MLXIPL: variants seen among roughly 807,000 people sequenced by gnomAD.
The protein encoded by MLXIPL is carbohydrate-responsive element-binding protein.
A neutral mutation model predicts 81.5 loss-of-function variants in MLXIPL; 49 were observed. The ratio of observed to expected loss-of-function variants is 0.60; its 90% confidence interval spans 0.48 to 0.76. The LOEUF is 0.76. Ranked by LOEUF, MLXIPL falls within the 30% of genes least tolerant of loss-of-function variation. The pLI is 0.00. For synonymous variants in MLXIPL, 466 were observed against 485.5 expected (o/e 0.96, Z 0.53); for missense variants, 1,053 against 1,167.0 (o/e 0.90, Z 1.42).
intron 2 of MLXIPL, among the ~76,000 whole-genome samples, chr7:73,614,842 G>A (rs372548808): frequency 5.5e-5 from 7 of 127,510 alleles, no homozygotes; most frequent in Non-Finnish European, 7.8e-5. Flanking sequence ...ACGGAGTCTC[G>A]CCCTGTCGCC....
chr7:73,603,620 G>A (rs1421836255), intron 7 of MLXIPL, among the ~76,000 whole-genome samples: 2 of 152,198 alleles, frequency 1.3e-5, no homozygotes, highest in Non-Finnish European at 2.9e-5. Context: ...AGGTCACTAA[G>A]ACTAAGCTTT....
chr7:73,594,125 G>T, intron 16 of MLXIPL, 142 bp from the exon 17 acceptor site: 1 of 1,414,664 alleles, frequency 7.1e-7, no homozygotes, highest in Non-Finnish European at 9.9e-7. Flanking sequence ...CAGGCGTCTG[G>T]TGGCCAGAGG....
At chr7:73,624,067 G>A in intron 1 of MLXIPL, 133 bp downstream of exon 1, 1 of 1,263,314 alleles carries the variant, frequency 7.9e-7, no homozygotes, top group Non-Finnish European at 1.1e-6. Flanking sequence ...TCCAGGGCGT[G>A]ATCGGAGCCT....
At position 73,607,368 on chromosome 7, in the gene MLXIPL, C is replaced by A. The variant is rs868971099; in HGVS notation, c.536G>T (p.Arg179Leu). 1 of 1,567,464 alleles carries A rather than the reference C, an allele frequency of 6.4e-7. No homozygotes were observed. Among genetic ancestry groups the A allele is most frequent in the South Asian group, 1.2e-5 (1 of 85,330 alleles). Reference protein sequence around the residue: ...YWKRRIEVVMREYHKWRIYYK... With the variant: ...YWKRRIEVVMLEYHKWRIYYK... The stretch of plus-strand genomic sequence containing the variant: ...GTAGATGCGCCACTTGTGGTATTCC[C>A]GCATCACCACCTCGATGCGCCGCTT... Residue 179 changes from arginine to leucine, a missense_variant, in exon 4 of 17, where the codon CGG becomes CTG. Arg to Leu is a moderately radical substitution (Grantham distance 102). Transcript: ENST00000313375.
chr7:73,635,496 TATCCACCCATCTCTTCTTTC>T, the MLXIPL span, among the ~76,000 whole-genome samples: 2 of 151,988 alleles, frequency 1.3e-5, no homozygotes, highest in South Asian at 2.1e-4. Flanking sequence ...TTCACCTTAC[TATCCACCCATCTCTTCTTTC>T]ATCCACCCAT....
chr7:73,594,551 TTC>T, intron 15 of MLXIPL, 148 bp from the exon 16 acceptor site: 31 of 977,488 alleles, frequency 3.2e-5, no homozygotes, highest in East Asian at 5.3e-5. Flanking sequence ...CCCCTACTTC[TTC>T]TTTTTTTTTT....
At chr7:73,604,492 G>C (rs1554597322) in intron 7 of MLXIPL, among the ~76,000 whole-genome samples, 2 of 152,046 alleles carry the variant, frequency 1.3e-5, no homozygotes, top group African/African-American at 4.8e-5. Context: ...AGGATCACTT[G>C]AGCCTGGGAG....
At chr7:73,620,798 C>G (rs1554601831) in intron 1 of MLXIPL, among the ~76,000 whole-genome samples, 1 of 150,274 alleles carries the variant, frequency 6.7e-6, no homozygotes, top group Non-Finnish European at 1.5e-5. Context: ...TACCTGTAAT[C>G]CCAGCACTTT....
At chr7:73,633,578 C>T in the MLXIPL span, among the ~76,000 whole-genome samples, 15 of 152,034 alleles carry the variant, frequency 9.9e-5, no homozygotes, top group Non-Finnish European at 1.8e-4. Context: ...CTTGACCTCG[C>T]GAAGTACTGG....
the MLXIPL span, among the ~76,000 whole-genome samples, chr7:73,637,855 C>T: frequency 6.6e-6 from 1 of 152,184 alleles, no homozygotes; most frequent in African/African-American, 2.4e-5. Context: ...GGGGCCTGCC[C>T]TTTATGCTAA....
chr7:73,639,968 G>A, the MLXIPL span, among the ~76,000 whole-genome samples: 1 of 152,178 alleles, frequency 6.6e-6, no homozygotes, highest in South Asian at 2.1e-4. Context: ...GGGAGGCTGA[G>A]GCAGGAGAAT....
Position 73,596,097 on chromosome 7 carries a change from G to C in MLXIPL, c.2058+56C>G, listed in dbSNP as rs1794269448. The C allele has an allele frequency of 6.2e-7, 1 of 1,601,408 alleles. No individual in the cohort carries two copies. The highest frequency in any genetic ancestry group is 1.1e-5 in the South Asian group (1 of 90,576). On this transcript the variant is annotated intron_variant, in intron 13 of 16. Coordinates refer to ENST00000313375, the MANE Select transcript of MLXIPL (RefSeq NM_032951.3). This position sits in a 1 kb window ranked among gnomAD's most constrained non-coding sequence, Gnocchi z 4.7. The stretch of plus-strand genomic sequence containing the variant: ...CCTGCAATTGAGTTTTGGGTGGGGG[G>C]GGTCCAGAAAGGGGCCCTGTGGTTT...
the MLXIPL span, among the ~76,000 whole-genome samples, chr7:73,637,496 C>G: frequency 6.6e-6 from 1 of 151,132 alleles, no homozygotes; most frequent in Non-Finnish European, 1.5e-5. Context: ...AAAGAAAAAA[C>G]AAAAAGGGGC....
At chr7:73,628,413 G>A (rs968315859), upstream of MLXIPL, among the ~76,000 whole-genome samples, 4 of 152,106 alleles carry the variant, frequency 2.6e-5, no homozygotes, top group East Asian at 7.7e-4. Context: ...AAGCCTAACC[G>A]CTGAAAAGAC....
chr7:73,646,932 G>A, the MLXIPL span, among the ~76,000 whole-genome samples: 8 of 152,122 alleles, frequency 5.3e-5, no homozygotes, highest in Non-Finnish European at 1.2e-4. Context: ...GGCCCAGAGG[G>A]ACTTGGTTGG....
the MLXIPL span, among the ~76,000 whole-genome samples, chr7:73,630,546 G>T: frequency 6.6e-6 from 1 of 151,920 alleles, no homozygotes. Flanking sequence ...TCCTGCCTTG[G>T]TCTCCCAAAG....
At chr7:73,604,874 C>T (rs1795159295) in intron 7 of MLXIPL, among the ~76,000 whole-genome samples, 2 of 152,056 alleles carry the variant, frequency 1.3e-5, no homozygotes, top group Admixed American at 1.3e-4. Context: ...AAGCAATTCT[C>T]CCACCTCAGC....
intron 7 of MLXIPL, among the ~76,000 whole-genome samples, chr7:73,601,674 G>T (rs1195937005): frequency 1.3e-5 from 2 of 152,044 alleles, no homozygotes; most frequent in Non-Finnish European, 2.9e-5. Flanking sequence ...GGGATTACAG[G>T]CATGCACCAC....
At position 73,616,079 on chromosome 7, in the gene MLXIPL, T is replaced by G; in HGVS notation, c.392A>C (p.Tyr131Ser). The G allele has an allele frequency of 6.2e-7, 1 of 1,613,676 alleles. No homozygotes were observed. Among genetic ancestry groups the G allele is most frequent in the South Asian group, 1.1e-5 (1 of 91,072 alleles). ...TGGTGGTAGCCACTCACACTGGATA[T>G]ACCAGGCCCTCCAGATGGCGTTGTT... is the stretch of plus-strand genomic sequence containing the variant. ...RLNNAIWRAW[Y>S]IQYVKRRKSP... is the part of the protein sequence containing the mutation. The change falls in exon 2 of 17, where the codon TAT becomes TCT. Residue 131 changes from tyrosine (Y) to serine (S), a missense_variant. Physicochemically the swap from Tyr to Ser is moderately radical, Grantham distance 144. Transcript: ENST00000313375.
Sources: gnomAD v4.1 joint callset for allele counts (sites outside exome capture counted in the v4.1 genomes callset) on GRCh38, gnomAD v4.1.1 for gene constraint, Gnocchi (gnomAD v3.1) non-coding constraint, MANE v1.5 for transcripts, NCBI Gene and HGNC (gene_info 2026-07-23, HGNC 2026-07-21) for gene names.